Variants in PGBD5 observed in about 807,000 individuals in gnomAD.
PGBD5 encodes piggyBac transposable element-derived protein 5.
A neutral mutation model predicts 47.9 loss-of-function variants in PGBD5; 14 were observed. That is an observed-to-expected ratio of 0.29 (90% CI 0.19 to 0.46). The LOEUF is 0.46. PGBD5 is among the 20% of genes least tolerant of loss of function. The pLI, the probability that PGBD5 is intolerant of heterozygous loss-of-function variation, is 1.00. For synonymous variants in PGBD5, 316 were observed against 306.3 expected (o/e 1.03, Z -0.33); for missense variants, 635 against 716.0 (o/e 0.89, Z 1.29).
In PGBD5 at chr1:230,424,978, A is replaced by T. The variant is rs547454550; in HGVS notation, c.331+620T>A. ...AGTACCTTCTGGCGGAAAAGCAAGC[A>T]CCTTAACGCTGCCCAATCGGTCCCT... On this transcript the variant is annotated intron_variant, in intron 1 of 6. Transcript: ENST00000391860. Among the ~76,000 whole-genome samples, 21 of 152,208 alleles carry T rather than the reference A, an allele frequency of 1.4e-4. 1 individual carries two copies. The South Asian group carries it at 4.4e-3, about 32-fold the overall frequency.
chr1:230,425,113 T>A lies in PGBD5; in HGVS notation c.331+485A>T, dbSNP rs1657743998. Among the ~76,000 whole-genome samples the A allele has an allele frequency of 6.6e-6, 1 of 151,934 alleles. No homozygotes were observed. The highest frequency in any genetic ancestry group is 2.4e-5 in the African/African-American group (1 of 41,362). On this transcript the variant is annotated intron_variant, in intron 1 of 6. Coordinates refer to ENST00000391860, the MANE Select transcript of PGBD5 (RefSeq NM_001258311.2). This position sits in a 1 kb window ranked among gnomAD's most constrained non-coding sequence, Gnocchi z 4.7. ...AAGTCAAGACGCCGCGGGTGGCCTCTCTCTCAACTCTCACTGGGCCAACTC... is the reference window on the plus strand; with the variant it reads ...AAGTCAAGACGCCGCGGGTGGCCTCACTCTCAACTCTCACTGGGCCAACTC...
intron 1 of PGBD5, among the ~76,000 whole-genome samples, chr1:230,371,540 G>A (rs1667929264): frequency 6.6e-6 from 1 of 152,198 alleles, no homozygotes; most frequent in Non-Finnish European, 1.5e-5. Flanking sequence ...GAGCAGACGA[G>A]CATAAACCCA....
chr1:230,349,216 G>T (rs1341713129), intron 3 of PGBD5, among the ~76,000 whole-genome samples: 1 of 152,090 alleles, frequency 6.6e-6, no homozygotes, highest in Non-Finnish European at 1.5e-5. Flanking sequence ...CACAGGATCC[G>T]CATGTAAACA....
intron 1 of PGBD5, among the ~76,000 whole-genome samples, chr1:230,389,345 G>A (rs774189398): frequency 1.3e-5 from 2 of 151,760 alleles, no homozygotes; most frequent in Non-Finnish European, 2.9e-5. Context: ...GCTAAGTTTT[G>A]TATTTTTGGT....
At chr1:230,366,107 G>A (rs1019007411) in intron 1 of PGBD5, among the ~76,000 whole-genome samples, 2 of 151,608 alleles carry the variant, frequency 1.3e-5, no homozygotes, top group African/African-American at 4.9e-5. Flanking sequence ...GCCAGGAGGG[G>A]ACAGGGCTAA....
chr1:230,420,278 T>C (rs1159105529), intron 1 of PGBD5, among the ~76,000 whole-genome samples: 2 of 152,200 alleles, frequency 1.3e-5, no homozygotes, highest in Non-Finnish European at 2.9e-5. Flanking sequence ...AAACATCTTT[T>C]TAAAATTTAA....
chr1:230,392,691 A>C (rs1656818483), intron 1 of PGBD5, among the ~76,000 whole-genome samples: 1 of 152,160 alleles, frequency 6.6e-6, no homozygotes, highest in South Asian at 2.1e-4. Flanking sequence ...CCCGCTCCTC[A>C]GCAGCGGCCT....
At chr1:230,382,104 CCT>C (rs1289264337) in intron 1 of PGBD5, among the ~76,000 whole-genome samples, 1 of 151,962 alleles carries the variant, frequency 6.6e-6, no homozygotes, top group East Asian at 1.9e-4. Flanking sequence ...CCAATTCTTC[CCT>C]GTCAGCCCAC....
intron 1 of PGBD5, among the ~76,000 whole-genome samples, chr1:230,400,004 C>A (rs1038891452): frequency 2.1e-4 from 32 of 152,232 alleles, no homozygotes; most frequent in Non-Finnish European, 1.9e-4. Flanking sequence ...TTACACAGGG[C>A]TATGTTATCC....
At chr1:230,368,285 C>G in intron 1 of PGBD5, 2 of 1,164,968 alleles carry the variant, frequency 1.7e-6, no homozygotes, top group Non-Finnish European at 2.2e-6. Flanking sequence ...TTGCTGAGGC[C>G]AAGTGGCCCC....
rs943319270 is a variant in PGBD5, at chr1:230,322,055, C to G, written c.*1370G>C. On this transcript the variant is annotated 3_prime_UTR_variant, in exon 7 of 7. Transcript: ENST00000391860. This position sits in a 1 kb window ranked among gnomAD's most constrained non-coding sequence, Gnocchi z 5.9. ...TTTGTAAAAAATGAGGTGGTTACAT[C>G]AACTGGGTTGAAGGGGGACTGGGTA... The G allele has an allele frequency of 7.9e-5, 12 of 152,316 alleles. No homozygotes were observed. Among genetic ancestry groups the G allele is most frequent in the Admixed American group, 7.2e-4 (11 of 15,300 alleles). The allele number at this position is 152,316 out of a possible 1,614,324, so 9.4% of individuals were successfully genotyped here.
chr1:230,324,972 G>A lies in PGBD5; in HGVS notation c.1379+338C>T, dbSNP rs11806782. On this transcript the variant is annotated intron_variant, in intron 6 of 6. Transcript: ENST00000391860. ...AGGAGGACAGCAATTCAGAATAGAG[G>A]ACTGGGGCAAGCGATGCCAACGGCT... 4.3e-3 allele frequency among the ~76,000 whole-genome samples: 653 copies of A among 152,318 alleles called. 5 individuals are homozygous for A. Among genetic ancestry groups the A allele is most frequent in the African/African-American group, 0.015 (607 of 41,576 alleles).
chr1:230,331,407 C>A (rs780032433), intron 5 of PGBD5, among the ~76,000 whole-genome samples: 51 of 152,068 alleles, frequency 3.4e-4, no homozygotes, highest in Non-Finnish European at 6.3e-4. Flanking sequence ...CAGAGCAACA[C>A]CCTGTCCCAA....
chr1:230,348,741 C>A (rs1327758545), intron 3 of PGBD5, among the ~76,000 whole-genome samples: 1 of 152,220 alleles, frequency 6.6e-6, no homozygotes, highest in Non-Finnish European at 1.5e-5. Context: ...CCTTTCCCTG[C>A]GCTGTGCCTG....
At chr1:230,334,240 G>A (rs1460222611) in intron 4 of PGBD5, among the ~76,000 whole-genome samples, 2 of 152,172 alleles carry the variant, frequency 1.3e-5, no homozygotes, top group Non-Finnish European at 2.9e-5. Flanking sequence ...GCTGCTGCTC[G>A]CAGCTCCATT....
chr1:230,327,428 T>C (rs532056089), intron 5 of PGBD5, among the ~76,000 whole-genome samples: 2 of 152,242 alleles, frequency 1.3e-5, no homozygotes, highest in Non-Finnish European at 1.5e-5. Context: ...GCCGGACTCT[T>C]TCCTTCTTTC....
At chr1:230,334,346 AG>A (rs1667268806) in intron 4 of PGBD5, among the ~76,000 whole-genome samples, 1 of 152,086 alleles carries the variant, frequency 6.6e-6, no homozygotes, top group Non-Finnish European at 1.5e-5. Flanking sequence ...GACATGAACC[AG>A]GGTAAGGATG....
chr1:230,379,230 C>T (rs1668057222), intron 1 of PGBD5, among the ~76,000 whole-genome samples: 1 of 152,164 alleles, frequency 6.6e-6, no homozygotes, highest in Non-Finnish European at 1.5e-5. Context: ...TTGTGACCAG[C>T]ACCCCATTCA....
At chr1:230,339,020 A>G (rs527642410) in intron 3 of PGBD5, among the ~76,000 whole-genome samples, 1 of 152,256 alleles carries the variant, frequency 6.6e-6, no homozygotes, top group African/African-American at 2.4e-5. Flanking sequence ...CAACACCCAC[A>G]TTACTGTTTG....
Sources: allele counts gnomAD v4.1 joint callset (sites outside exome capture counted in the v4.1 genomes callset), GRCh38; gene constraint gnomAD v4.1.1; non-coding constraint Gnocchi (gnomAD v3.1); transcripts MANE v1.5; gene names NCBI Gene and HGNC (gene_info 2026-07-23, HGNC 2026-07-21).